Variants in VDR observed in about 807,000 individuals in gnomAD.
VDR encodes vitamin D3 receptor.
In VDR, 19 loss-of-function variants were observed where a neutral mutation model predicts 39.7. The observed-to-expected ratio is 0.48, with a 90% CI of 0.33 to 0.70. The LOEUF (loss-of-function observed/expected upper bound fraction) is 0.70, where lower values mean the gene tolerates loss of function less well. Ranked by LOEUF, VDR falls within the 30% of genes least tolerant of loss-of-function variation. The probability of loss-of-function intolerance (pLI) is 0.02; values close to 1 mark genes in which losing one functional copy is unlikely to be tolerated. For missense variants in VDR, 442 were observed against 570.5 expected (o/e 0.77, Z 2.29); for synonymous variants, 242 against 215.8 (o/e 1.12, Z -1.07).
intron 7 of VDR, among the ~76,000 whole-genome samples, chr12:47,848,702 G>T (rs1369698593): frequency 6.6e-6 from 1 of 151,594 alleles, no homozygotes; most frequent in African/African-American, 2.4e-5. Flanking sequence ...GAGTAGCTGG[G>T]ATTAGAGGCA....
intron 4 of VDR, among the ~76,000 whole-genome samples, chr12:47,864,098 C>T (rs1216646844): frequency 6.6e-6 from 1 of 152,190 alleles, no homozygotes; most frequent in Non-Finnish European, 1.5e-5. Flanking sequence ...TGGGTTCTGT[C>T]CTAGGGCCGG....
chr12:47,841,796 C>T lies in VDR; in HGVS notation c.*2950G>A, dbSNP rs1945176559. ...CTCGCTTGGATTCTCCTACATGCTT[C>T]CAGTTAGCCAGCCAGAGGATTTTCC... On this transcript the variant is annotated 3_prime_UTR_variant, in exon 10 of 10. Coordinates refer to ENST00000549336, the MANE Select transcript of VDR (RefSeq NM_000376.3). 1 of 152,344 alleles carries T rather than the reference C, an allele frequency of 6.6e-6. No individual in the cohort carries two copies. Among genetic ancestry groups the T allele is most frequent in the African/African-American group, 2.4e-5 (1 of 41,450 alleles). The allele number at this position is 152,344 out of a possible 1,614,324, so 9.4% of individuals were successfully genotyped here. A position where few individuals can be genotyped will look rare whatever the true frequency, so the allele number is the denominator to read the frequency against.
Position 47,846,745 on chromosome 12 carries a change from C to T in VDR, c.819G>A (p.Leu273=). 2 of 1,614,164 alleles carry T rather than the reference C, an allele frequency of 1.2e-6. No individual in the cohort carries two copies. The highest frequency in any genetic ancestry group is 8.5e-7 in the Non-Finnish European group (1 of 1,180,038). The change falls in exon 8 of 10, where the codon TTG becomes TTA. Residue 273 remains leucine, a synonymous_variant. Coordinates refer to ENST00000549336, the MANE Select transcript of VDR (RefSeq NM_000376.3). ...LKSSAIEVIM[L]RSNESFTMDD... is the part of the protein sequence containing the mutation. ...CCATGGTGAAGGACTCATTGGAGCG[C>T]AACATGATGACCTCAATGGCACTTG...
At chr12:47,882,548 A>T (rs989555947) in intron 2 of VDR, 146 bp downstream of exon 2, 10 of 675,010 alleles carry the variant, frequency 1.5e-5, no homozygotes, top group Non-Finnish European at 2.3e-5. Flanking sequence ...TCAGTTGCAG[A>T]CTCTGCTGGC....
At chr12:47,862,602 TC>T (rs1592113702) in intron 4 of VDR, among the ~76,000 whole-genome samples, 1 of 152,256 alleles carries the variant, frequency 6.6e-6, no homozygotes, top group East Asian at 1.9e-4. Context: ...CCTCATCCTT[TC>T]CCTTCCTGTG....
chr12:47,893,022 G>A (rs1243206710), intron 1 of VDR, among the ~76,000 whole-genome samples: 1 of 152,224 alleles, frequency 6.6e-6, no homozygotes, highest in East Asian at 1.9e-4. Flanking sequence ...CTCATTCAAT[G>A]TGGCTGGAGA....
intron 7 of VDR, among the ~76,000 whole-genome samples, chr12:47,853,568 G>C (rs1945428665): frequency 6.6e-6 from 1 of 151,976 alleles, no homozygotes; most frequent in Non-Finnish European, 1.5e-5. Flanking sequence ...GCCTGGCCAA[G>C]ATGGTGAAAC....
intron 9 of VDR, among the ~76,000 whole-genome samples, chr12:47,845,318 C>T (rs1404778279): frequency 2.6e-5 from 4 of 151,878 alleles, no homozygotes; most frequent in African/African-American, 4.8e-5. Context: ...CCAGCCTTCA[C>T]ATCTGTGCTC....
chr12:47,894,473 G>A (rs1946428430), intron 1 of VDR, among the ~76,000 whole-genome samples: 1 of 152,212 alleles, frequency 6.6e-6, no homozygotes, highest in African/African-American at 2.4e-5. Flanking sequence ...GTTGCTGCCA[G>A]GTGGGCTGCA....
chr12:47,887,339 A>AAAC (rs1329281809), intron 1 of VDR, among the ~76,000 whole-genome samples: 3 of 151,216 alleles, frequency 2.0e-5, no homozygotes, highest in African/African-American at 7.3e-5. Flanking sequence ...AAAAAAAAAA[A>AAAC]AACAAAGGAG....
intron 3 of VDR, among the ~76,000 whole-genome samples, chr12:47,872,402 T>A (rs1945902748): frequency 6.6e-6 from 1 of 152,212 alleles, no homozygotes; most frequent in African/African-American, 2.4e-5. Context: ...GAAAGTAGAT[T>A]TTAAAGTAGA....
chr12:47,846,463 A>G lies in VDR; in HGVS notation c.908-12T>C. The G allele has an allele frequency of 6.4e-7, 1 of 1,562,226 alleles. No individual in the cohort carries two copies. The highest frequency in any genetic ancestry group is 1.9e-5 in the Admixed American group (1 of 52,028). On this transcript the variant is annotated splice_polypyrimidine_tract_variant and intron_variant, in intron 8 of 9. Coordinates refer to ENST00000549336, the MANE Select transcript of VDR (RefSeq NM_000376.3). ...CAGGCTGTGTCCGGCTGTGAGAGACAATGGCCAGGTACTGCGGGCAGAGCT... is the reference window on the plus strand; with the variant it reads ...CAGGCTGTGTCCGGCTGTGAGAGACGATGGCCAGGTACTGCGGGCAGAGCT...
At chr12:47,851,157 GA>G (rs1945380743) in intron 7 of VDR, among the ~76,000 whole-genome samples, 1 of 152,160 alleles carries the variant, frequency 6.6e-6, no homozygotes, top group South Asian at 2.1e-4. Context: ...TTTAGCAGAA[GA>G]GGGCAGGGCT....
intron 7 of VDR, among the ~76,000 whole-genome samples, chr12:47,854,947 C>G (rs562611082): frequency 3.3e-5 from 5 of 152,354 alleles, no homozygotes; most frequent in Middle Eastern, 3.4e-3. Context: ...AATCCCAGCA[C>G]TTTGGGAGGC....
chr12:47,887,064 C>A (rs1946268907), intron 1 of VDR, among the ~76,000 whole-genome samples: 1 of 152,100 alleles, frequency 6.6e-6, no homozygotes, highest in African/African-American at 2.4e-5. Context: ...GTAATCCCAG[C>A]ACTTCGGGAG....
At chr12:47,881,137 C>T (rs933632347) in intron 2 of VDR, among the ~76,000 whole-genome samples, 1 of 150,688 alleles carries the variant, frequency 6.6e-6, no homozygotes, top group African/African-American at 2.4e-5. Flanking sequence ...CATATACTGT[C>T]CTTTTTACAC....
rs1945194846 is a variant in VDR, at chr12:47,842,661, A to G, written c.*2085T>C. ...TTTTTTTTGTATTTTTAATAGAGAC[A>G]GGGTTTCTCCATGTTGGTCAGGTTG... On this transcript the variant is annotated 3_prime_UTR_variant, in exon 10 of 10. Transcript: ENST00000549336. 3 of 140,558 alleles carry G rather than the reference A, an allele frequency of 2.1e-5. No homozygotes were observed. The highest frequency in any genetic ancestry group is 1.5e-4 in the Admixed American group (2 of 13,670). 8.7% of individuals were successfully genotyped at this position (140,558 alleles called of 1,614,324 possible).
In VDR at chr12:47,868,672, C is replaced by A. The variant is rs114590014; in HGVS notation, c.147-3495G>T. Among the ~76,000 whole-genome samples, 617 of 152,278 alleles carry A rather than the reference C, an allele frequency of 4.1e-3. 4 individuals carry two copies. Among genetic ancestry groups the A allele is most frequent in the African/African-American group, 0.014 (596 of 41,560 alleles). On this transcript the variant is annotated intron_variant, in intron 3 of 9. Transcript: ENST00000549336. ...ACCTTGTGGTTCTTGAGGCTTCATC[C>A]GTCACCACAAATGCTCAGGCCTCAG...
chr12:47,850,860 C>T (rs977741034), intron 7 of VDR, among the ~76,000 whole-genome samples: 1 of 151,034 alleles, frequency 6.6e-6, no homozygotes, highest in Admixed American at 6.6e-5. Flanking sequence ...CAGAGCCCGG[C>T]CCCTCCCCTC....
Sources: gnomAD v4.1 joint callset for allele counts (sites outside exome capture counted in the v4.1 genomes callset) on GRCh38, gnomAD v4.1.1 for gene constraint, MANE v1.5 for transcripts, NCBI Gene and HGNC (gene_info 2026-07-23, HGNC 2026-07-21) for gene names.